Variants in NEMP2 observed in about 807,000 individuals in gnomAD.
NEMP2 encodes the protein nuclear envelope integral membrane protein 2.
NEMP2 carries 53 observed loss-of-function variants against 54.2 expected under a neutral mutation model. The observed-to-expected ratio is 0.98, with a 90% confidence interval of 0.78 to 1.23. The LOEUF (loss-of-function observed/expected upper bound fraction) is 1.23. Ranked by LOEUF, NEMP2 falls within the 50% of genes most tolerant of loss-of-function variation. The pLI, the probability that NEMP2 is intolerant of heterozygous loss-of-function variation, is 0.00. For missense variants in NEMP2, 455 were observed against 511.3 expected, an observed-to-expected ratio of 0.89 and a Z score of 1.06; for synonymous variants, 197 against 190.3, an observed-to-expected ratio of 1.04 and a Z score of -0.29.
chr2:190,572,087 G>T, the NEMP2 span, among the ~76,000 whole-genome samples: 19,777 of 151,854 alleles, frequency 0.13, 2,037 homozygotes, highest in African/African-American at 0.28. Context: ...ATTTTCTGGG[G>T]TTTTTTTTAA....
At chr2:190,614,288 A>G in the NEMP2 span, among the ~76,000 whole-genome samples, 1 of 152,202 alleles carries the variant, frequency 6.6e-6, no homozygotes, top group Non-Finnish European at 1.5e-5. This position sits in a 1 kb window ranked among gnomAD's most constrained non-coding sequence, Gnocchi z 5.7. Flanking sequence ...TTCCAAACAA[A>G]GTCATTTCTA....
At chr2:190,437,390 C>T in the NEMP2 span, 1 of 1,614,208 alleles carries the variant, frequency 6.2e-7, no homozygotes, top group Non-Finnish European at 8.5e-7. This position sits in a 1 kb window ranked among gnomAD's most constrained non-coding sequence, Gnocchi z 5.9. Context: ...CTGTTTGTGG[C>T]TTGGTTCATG....
the NEMP2 span, among the ~76,000 whole-genome samples, chr2:190,450,616 C>T: frequency 6.6e-6 from 1 of 151,196 alleles, no homozygotes; most frequent in South Asian, 2.1e-4. Context: ...CCCCAGCCTC[C>T]CAAGTAGCAC....
the NEMP2 span, chr2:190,464,846 G>T: frequency 1.2e-6 from 1 of 868,618 alleles, no homozygotes; most frequent in Non-Finnish European, 1.4e-6. Flanking sequence ...GTAGATAGTG[G>T]CATCTTAATA....
the NEMP2 span, among the ~76,000 whole-genome samples, chr2:190,606,035 G>T: frequency 6.6e-6 from 1 of 152,196 alleles, no homozygotes; most frequent in Admixed American, 6.5e-5. Context: ...GAATTCAATG[G>T]AATGTATCTG....
At chr2:190,503,450 C>T (rs1690101428), downstream of NEMP2, among the ~76,000 whole-genome samples, 1 of 152,176 alleles carries the variant, frequency 6.6e-6, no homozygotes, top group Non-Finnish European at 1.5e-5. The surrounding 1 kb of genome is among the most constrained non-coding windows in gnomAD (Gnocchi z 6.3). Context: ...TTTTAAATAG[C>T]CACACGTGGC....
At chr2:190,548,671 C>T in the NEMP2 span, among the ~76,000 whole-genome samples, 6 of 152,104 alleles carry the variant, frequency 3.9e-5, no homozygotes, top group African/African-American at 1.2e-4. Flanking sequence ...GTTGTGATAG[C>T]GATCTTTTAT....
Position 190,528,704 on chromosome 2 carries a change from CT to C in NEMP2, c.98-3327del, listed in dbSNP as rs1423313196. ...AAATCAACTCTCATAGAACAGTTCC[CT>C]TTTGTTAATGGTCTGAGGAAATAAC... is the stretch of plus-strand genomic sequence containing the variant. On this transcript the variant is annotated intron_variant, in intron 1 of 8. Coordinates refer to ENST00000409150, the MANE Select transcript of NEMP2 (RefSeq NM_001142645.2). This position sits in a 1 kb window ranked among gnomAD's most constrained non-coding sequence, Gnocchi z 4.3. 6.6e-6 allele frequency among the ~76,000 whole-genome samples: 1 copy of C among 152,156 alleles called. No individual in the cohort carries two copies. Among genetic ancestry groups the C allele is most frequent in the East Asian group, 1.9e-4 (1 of 5,192 alleles).
At chr2:190,645,654 C>T in the NEMP2 span, among the ~76,000 whole-genome samples, 1 of 152,176 alleles carries the variant, frequency 6.6e-6, no homozygotes, top group African/African-American at 2.4e-5. Flanking sequence ...ACTGAATATA[C>T]AGCAGTGAAT....
chr2:190,568,620 C>T, the NEMP2 span, among the ~76,000 whole-genome samples: 3 of 152,062 alleles, frequency 2.0e-5, no homozygotes, highest in East Asian at 3.9e-4. This position sits in a 1 kb window ranked among gnomAD's most constrained non-coding sequence, Gnocchi z 4.7. Context: ...GTTAGGAGTT[C>T]GAGACCAGCC....
chr2:190,499,699 C>A, downstream of NEMP2: 1 of 997,788 alleles, frequency 1.0e-6, no homozygotes, highest in Non-Finnish European at 1.4e-6. This position sits in a 1 kb window ranked among gnomAD's most constrained non-coding sequence, Gnocchi z 6.0. Context: ...TGCCACATGG[C>A]TTGGGGGGCT....
the NEMP2 span, among the ~76,000 whole-genome samples, chr2:190,541,150 CA>C: frequency 1.4e-5 from 2 of 147,962 alleles, no homozygotes; most frequent in African/African-American, 2.5e-5. This position sits in a 1 kb window ranked among gnomAD's most constrained non-coding sequence, Gnocchi z 5.2. Context: ...TTTATCTTTT[CA>C]AAAAAACAAT....
chr2:190,436,563 C>A, the NEMP2 span: 1 of 1,614,214 alleles, frequency 6.2e-7, no homozygotes. This position sits in a 1 kb window ranked among gnomAD's most constrained non-coding sequence, Gnocchi z 5.3. Flanking sequence ...AGTTAACTAT[C>A]CTGCCAACAA....
rs1011053248 is a variant in NEMP2 at position 190,517,645 on chromosome 2, A to G, written c.519-32T>C. 3 of 1,486,026 alleles carry G rather than the reference A, an allele frequency of 2.0e-6. No individual in the cohort carries two copies. In the African/African-American group the frequency reaches 4.2e-5, roughly 21 times the overall value. The allele number at this position is 1,486,026 out of a possible 1,614,324, so 92.1% of individuals were successfully genotyped here. On this transcript the variant is annotated intron_variant, in intron 4 of 8. Transcript: ENST00000409150. ...AGATAAGCAGATAAAAGCTATTTAA[A>G]TGCCAAAAAGCACTTTGAGTATGAA... is the stretch of plus-strand genomic sequence containing the variant.
the NEMP2 span, among the ~76,000 whole-genome samples, chr2:190,473,162 G>C: frequency 6.6e-6 from 1 of 152,174 alleles, no homozygotes; most frequent in African/African-American, 2.4e-5. Flanking sequence ...TCGAGGCTAG[G>C]AAGAAACTGC....
chr2:190,607,865 G>A, the NEMP2 span: 1 of 152,128 alleles, frequency 6.6e-6, no homozygotes, highest in Non-Finnish European at 1.5e-5. The surrounding 1 kb of genome is among the most constrained non-coding windows in gnomAD (Gnocchi z 5.2). Context: ...TTTTATAGAT[G>A]TGAACACTCA....
At chr2:190,559,582 A>G in the NEMP2 span, among the ~76,000 whole-genome samples, 13 of 152,378 alleles carry the variant, frequency 8.5e-5, no homozygotes, top group East Asian at 2.5e-3. The surrounding 1 kb of genome is among the most constrained non-coding windows in gnomAD (Gnocchi z 4.0). Flanking sequence ...AGAGTGTCAC[A>G]TAAGCCAAAG....
the NEMP2 span, among the ~76,000 whole-genome samples, chr2:190,430,462 C>A: frequency 6.6e-6 from 1 of 151,370 alleles, no homozygotes; most frequent in African/African-American, 2.4e-5. Context: ...CTTGCACCGC[C>A]CTTAATCCAT....
At chr2:190,451,623 G>A in the NEMP2 span, among the ~76,000 whole-genome samples, 1 of 152,214 alleles carries the variant, frequency 6.6e-6, no homozygotes, top group South Asian at 2.1e-4. The surrounding 1 kb of genome is among the most constrained non-coding windows in gnomAD (Gnocchi z 5.0). Flanking sequence ...AGAAGCAATT[G>A]TTTCAGCTCG....
Sources: gnomAD v4.1 joint callset for allele counts (sites outside exome capture counted in the v4.1 genomes callset) on GRCh38, gnomAD v4.1.1 for gene constraint, Gnocchi (gnomAD v3.1) non-coding constraint, MANE v1.5 for transcripts, NCBI Gene and HGNC (gene_info 2026-07-23, HGNC 2026-07-21) for gene names.